Variants in TRDN observed in about 807,000 individuals in gnomAD.
The protein encoded by TRDN is triadin.
TRDN carries 161 observed loss-of-function variants against 149.7 expected under a neutral mutation model. The ratio of observed to expected loss-of-function variants is 1.08; its 90% CI spans 0.95 to 1.23. TRDN has a LOEUF of 1.23. Among genes scored for constraint, TRDN ranks in the 50% most tolerant of loss-of-function variants. The pLI is 0.00. For missense variants in TRDN, 896 were observed against 823.5 expected (o/e 1.09, Z -1.08); for synonymous variants, 294 against 250.5 (o/e 1.17, Z -1.64).
Position 123,438,064 on chromosome 6 carries a change from T to C in TRDN, c.1050A>G (p.Lys350=). 3.2e-6 allele frequency: 5 copies of C among 1,581,934 alleles called. No individual in the cohort carries two copies. In the South Asian group the frequency reaches 4.6e-5, roughly 15 times the overall value. Residue 350 remains lysine, a splice_region_variant and synonymous_variant, in exon 12 of 41, where the codon AAA becomes AAG. Coordinates refer to ENST00000334268, the MANE Select transcript of TRDN (RefSeq NM_006073.4). The part of the protein sequence containing the change: ...EKETAIDVEK[K]EPGKASETKQ... ...AAGGAAACAAAGAAAGTGCAATACC[T>C]TTTTTTTCCACATCAATGGCAGTTT...
At position 123,636,581 on chromosome 6, in the gene TRDN, A is replaced by G. The variant is rs565356343; in HGVS notation, c.22+173T>C. On this transcript the variant is annotated intron_variant, in intron 1 of 40. Coordinates refer to ENST00000334268, the MANE Select transcript of TRDN (RefSeq NM_006073.4). ...ATCTCTTTTTGCTCCCCCAATATAC[A>G]GATCTGGCAGCCTCTCAGCTCCTAA... Among the ~76,000 whole-genome samples, 4 of 152,120 alleles carry G rather than the reference A, an allele frequency of 2.6e-5. No homozygotes were observed. In the East Asian group the frequency reaches 5.8e-4, roughly 22 times the overall value.
At chr6:123,270,993 A>G (rs746487821) in intron 30 of TRDN, 146 bp downstream of exon 30, 74 of 409,796 alleles carry the variant, frequency 1.8e-4, no homozygotes, top group Non-Finnish European at 2.9e-4. Context: ...AGAATTCAGA[A>G]TGTTAGAAGT....
chr6:123,634,049 T>C (rs1786158251), intron 1 of TRDN, among the ~76,000 whole-genome samples: 1 of 152,016 alleles, frequency 6.6e-6, no homozygotes, highest in South Asian at 2.1e-4. Flanking sequence ...TTTGTGTGTG[T>C]GCGTGATAAA....
chr6:123,573,657 A>C (rs1415707810), intron 1 of TRDN, among the ~76,000 whole-genome samples: 1 of 152,066 alleles, frequency 6.6e-6, no homozygotes, highest in Non-Finnish European at 1.5e-5. Flanking sequence ...CTTGTAATAC[A>C]GGCAAAGAGG....
chr6:123,408,735 C>T (rs887518845), intron 12 of TRDN, among the ~76,000 whole-genome samples: 5 of 151,764 alleles, frequency 3.3e-5, no homozygotes, highest in African/African-American at 1.2e-4. Flanking sequence ...TTTCCATACT[C>T]GACCGTCCCA....
In TRDN at chr6:123,469,841, GAAGA is replaced by G. The variant is rs138336288; in HGVS notation, c.854-4862_854-4859del. The G allele has an allele frequency of 1.2e-3, 179 of 152,378 alleles. 2 individuals are homozygous for G. Among genetic ancestry groups the G allele is most frequent in the Admixed American group, 2.3e-3 (35 of 15,282 alleles). 9.4% of individuals were successfully genotyped at this position (152,378 alleles called of 1,614,324 possible). A position where few individuals can be genotyped will look rare whatever the true frequency, so the allele number is the denominator to read the frequency against. ...GAGATTCAATGAGAAAATAAGGAAG[GAAGA>G]AAGAAAGAAAACAAAAACGTTCTCA... On this transcript the variant is annotated intron_variant, in intron 9 of 40. Coordinates refer to ENST00000334268, the MANE Select transcript of TRDN (RefSeq NM_006073.4).
chr6:123,419,532 C>G (rs1319779102), intron 12 of TRDN, among the ~76,000 whole-genome samples: 2 of 152,012 alleles, frequency 1.3e-5, no homozygotes, highest in African/African-American at 4.8e-5. Context: ...TGCCACAGCC[C>G]CAGGTTAATT....
chr6:123,626,388 C>T (rs1055555070), intron 1 of TRDN, among the ~76,000 whole-genome samples: 2 of 151,960 alleles, frequency 1.3e-5, no homozygotes, highest in Non-Finnish European at 2.9e-5. Flanking sequence ...GGGTGAGGCA[C>T]GAGAATCACT....
chr6:123,403,327 C>G (rs1773059572), intron 12 of TRDN, among the ~76,000 whole-genome samples: 1 of 152,010 alleles, frequency 6.6e-6, no homozygotes, highest in Non-Finnish European at 1.5e-5. Context: ...GGAAGCCTAC[C>G]TTTAGAGCTG....
chr6:123,603,654 C>T (rs1290718881), intron 1 of TRDN, among the ~76,000 whole-genome samples: 6 of 152,050 alleles, frequency 3.9e-5, no homozygotes, highest in African/African-American at 9.7e-5. Flanking sequence ...AGACTCTATA[C>T]TCCTTAATTT....
Position 123,473,314 on chromosome 6 carries a change from C to T in TRDN, c.854-8331G>A, listed in dbSNP as rs921281784. ...TGAAGAATGCAGAAGCCTCAGGAGCCGATGCGATCAACTGGAAGAAAGGGT... is the reference window on the plus strand; with the variant it reads ...TGAAGAATGCAGAAGCCTCAGGAGCTGATGCGATCAACTGGAAGAAAGGGT... On this transcript the variant is annotated intron_variant, in intron 9 of 40. Transcript: ENST00000334268. Among the ~76,000 whole-genome samples, 6 of 151,860 alleles carry T rather than the reference C, an allele frequency of 4.0e-5. No homozygotes were observed. The East Asian group carries it at 7.8e-4, about 20-fold the overall frequency.
At chr6:123,405,600 G>A (rs1419029681) in intron 12 of TRDN, among the ~76,000 whole-genome samples, 1 of 152,124 alleles carries the variant, frequency 6.6e-6, no homozygotes. Flanking sequence ...TGTATTACAT[G>A]ACGAGGCCGG....
At chr6:123,557,793 G>A (rs1488258775) in intron 2 of TRDN, among the ~76,000 whole-genome samples, 1 of 151,172 alleles carries the variant, frequency 6.6e-6, no homozygotes, top group Admixed American at 6.6e-5. Flanking sequence ...CACTTTCCTG[G>A]GGGGCAAGCA....
At chr6:123,559,963 G>T (rs1188289029) in intron 2 of TRDN, among the ~76,000 whole-genome samples, 1 of 152,132 alleles carries the variant, frequency 6.6e-6, no homozygotes, top group African/African-American at 2.4e-5. Context: ...ATCAGGCTCA[G>T]CGAATTACCT....
At chr6:123,386,392 T>C (rs1269023550) in intron 14 of TRDN, among the ~76,000 whole-genome samples, 1 of 152,092 alleles carries the variant, frequency 6.6e-6, no homozygotes, top group East Asian at 1.9e-4. Flanking sequence ...ATATGTAAAA[T>C]AGAGAATGAC....
At chr6:123,401,497 G>C (rs1218959405) in intron 12 of TRDN, among the ~76,000 whole-genome samples, 1 of 152,152 alleles carries the variant, frequency 6.6e-6, no homozygotes, top group African/African-American at 2.4e-5. Context: ...TTGCATGAGT[G>C]CTTACTGGGA....
chr6:123,387,775 T>C (rs1781963234), intron 14 of TRDN, among the ~76,000 whole-genome samples: 1 of 152,064 alleles, frequency 6.6e-6, no homozygotes. Flanking sequence ...CTGTGAATGA[T>C]GATTAGTTGT....
intron 10 of TRDN, among the ~76,000 whole-genome samples, chr6:123,440,157 G>A (rs1480234271): frequency 6.6e-6 from 1 of 152,064 alleles, no homozygotes; most frequent in Non-Finnish European, 1.5e-5. Flanking sequence ...CAAGATCAAA[G>A]ACAACACTTT....
rs2114394892 is a variant in TRDN, at chr6:123,375,604, C to T, written c.1273+1G>A. On this transcript the variant is annotated splice_donor_variant, in intron 19 of 40. Coordinates refer to ENST00000334268, the MANE Select transcript of TRDN (RefSeq NM_006073.4). LOFTEE classifies it high-confidence loss of function. Reference sequence around the variant, plus strand: ...TTCTTTAAAAATTTTGTTCAACATACTTGCTTTTACTTGTTTGTCACTTGG... The same window carrying T: ...TTCTTTAAAAATTTTGTTCAACATATTTGCTTTTACTTGTTTGTCACTTGG... 6.5e-7 allele frequency: 1 copy of T among 1,533,118 alleles called. No individual in the cohort carries two copies. The highest frequency in any genetic ancestry group is 1.7e-4 in the Middle Eastern group (1 of 5,822). 95.0% of individuals were successfully genotyped at this position (1,533,118 alleles called of 1,614,324 possible). A position where few individuals can be genotyped will look rare whatever the true frequency, so the allele number is the denominator to read the frequency against.
Sources: allele counts gnomAD v4.1 joint callset (sites outside exome capture counted in the v4.1 genomes callset), GRCh38; gene constraint gnomAD v4.1.1; transcripts MANE v1.5; gene names NCBI Gene and HGNC (gene_info 2026-07-23, HGNC 2026-07-21).